The following FHOD3 variants were observed in gnomAD, a reference collection of about 807,000 sequenced individuals.
FHOD3 encodes the protein formin homology 2 domain containing 3, also known as FH1/FH2 domain-containing protein 3.
FHOD3 carries 90 observed loss-of-function variants against 173.0 expected under a neutral mutation model. That is an observed-to-expected ratio of 0.52 (90% CI 0.44 to 0.62). The LOEUF is 0.62. Among genes scored for constraint, FHOD3 ranks in the 20% least tolerant of loss-of-function variants. The pLI, the probability that FHOD3 is intolerant of heterozygous loss-of-function variation, is 0.00. For synonymous variants in FHOD3, 828 were observed against 823.0 expected, an observed-to-expected ratio of 1.01 and a Z score of -0.10; for missense variants, 1,945 against 2,034.7, an observed-to-expected ratio of 0.96 and a Z score of 0.85.
At chr18:36,385,711 G>C (rs564592702) in intron 3 of FHOD3, among the ~76,000 whole-genome samples, 1 of 152,154 alleles carries the variant, frequency 6.6e-6, no homozygotes, top group Non-Finnish European at 1.5e-5. Flanking sequence ...TCCAGTTATC[G>C]TGTTTTTGAT....
chr18:36,760,854 G>T lies in FHOD3; in HGVS notation c.4624+72G>T. 3 of 1,454,110 alleles carry T rather than the reference G, an allele frequency of 2.1e-6. No individual in the cohort carries two copies. The African/African-American group carries it at 4.2e-5, about 20-fold the overall frequency. 90.1% of individuals were successfully genotyped at this position (1,454,110 alleles called of 1,614,324 possible). ...GCTCTGGGGGGGTCCGGTCTCCATC[G>T]CAGGCTGCGGTCCACGGCTGTGACT... On this transcript the variant is annotated intron_variant, in intron 27 of 28. Coordinates refer to ENST00000590592, the MANE Select transcript of FHOD3 (RefSeq NM_001281740.3).
At chr18:36,474,816 A>T (rs938632812) in intron 3 of FHOD3, among the ~76,000 whole-genome samples, 1 of 152,064 alleles carries the variant, frequency 6.6e-6, no homozygotes, top group African/African-American at 2.4e-5. Context: ...CTGGGAGTAA[A>T]TTCCTGAGGC....
intron 6 of FHOD3, among the ~76,000 whole-genome samples, chr18:36,590,289 C>T (rs1445787857): frequency 6.6e-6 from 1 of 152,172 alleles, no homozygotes; most frequent in Non-Finnish European, 1.5e-5. Flanking sequence ...GTGGCCTCCA[C>T]TGTGGCTGTT....
chr18:36,498,114 G>C (rs1242202533), intron 3 of FHOD3, among the ~76,000 whole-genome samples: 1 of 151,872 alleles, frequency 6.6e-6, no homozygotes. Context: ...AAAATCACAA[G>C]GTTAAGTTAT....
rs114124154 is a variant in FHOD3 at position 36,655,918 on chromosome 18, T to C, written c.1722-2157T>C. 3.1e-3 allele frequency among the ~76,000 whole-genome samples: 470 copies of C among 152,352 alleles called. 4 individuals carry two copies. The highest frequency in any genetic ancestry group is 0.011 in the African/African-American group (440 of 41,592). On this transcript the variant is annotated intron_variant, in intron 13 of 28. Transcript: ENST00000590592. ...ACACATTCTGCTTGTTTTATTTCCA[T>C]AGCGTCATTTAAACACAATTTTAGC...
chr18:36,512,325 A>G, intron 4 of FHOD3, 113 bp from the exon 5 acceptor site: 1 of 753,080 alleles, frequency 1.3e-6, no homozygotes, highest in South Asian at 1.5e-5. Flanking sequence ...CAGCAGAGCA[A>G]TCTGTAGGGT....
At chr18:36,376,095 T>A (rs1343993659) in intron 3 of FHOD3, among the ~76,000 whole-genome samples, 3 of 152,204 alleles carry the variant, frequency 2.0e-5, no homozygotes, top group Non-Finnish European at 4.4e-5. Context: ...AAAGTGATCC[T>A]GTTTCCAGAC....
chr18:36,742,909 G>A (rs754614178), intron 22 of FHOD3, 53 bp downstream of exon 22: 22 of 1,577,762 alleles, frequency 1.4e-5, no homozygotes, highest in Non-Finnish European at 1.9e-5. Context: ...CAAAATCCCT[G>A]CCCAGCAATT....
intron 11 of FHOD3, among the ~76,000 whole-genome samples, chr18:36,650,385 C>T (rs985929264): frequency 5.9e-5 from 9 of 152,060 alleles, no homozygotes; most frequent in African/African-American, 1.9e-4. Flanking sequence ...CTGCCATGCC[C>T]GGGGGTCATA....
chr18:36,609,157 G>T (rs1288377053), intron 8 of FHOD3, among the ~76,000 whole-genome samples: 1 of 152,256 alleles, frequency 6.6e-6, no homozygotes, highest in African/African-American at 2.4e-5. Context: ...GATACCAAGT[G>T]TCAGGCAGCT....
In FHOD3 at chr18:36,724,549, C is replaced by T. The variant is rs143963036; in HGVS notation, c.3417+5834C>T. ...GAAGCCTCACCCTAGAGGGGCTCAC[C>T]TGCATCTTCCTAGAAGCTGGACCCA... On this transcript the variant is annotated intron_variant, in intron 19 of 28. Transcript: ENST00000590592. 2.6e-3 allele frequency among the ~76,000 whole-genome samples: 402 copies of T among 152,280 alleles called. 1 individual carries two copies. Among genetic ancestry groups the T allele is most frequent in the Non-Finnish European group, 4.6e-3 (315 of 68,018 alleles).
At chr18:36,460,171 G>GTAGC (rs1287550799) in intron 3 of FHOD3, among the ~76,000 whole-genome samples, 1 of 152,284 alleles carries the variant, frequency 6.6e-6, no homozygotes, top group East Asian at 1.9e-4. Context: ...CCTGGCTGAG[G>GTAGC]TAGCATTTGT....
intron 3 of FHOD3, among the ~76,000 whole-genome samples, chr18:36,456,606 G>C (rs916976313): frequency 3.9e-5 from 6 of 152,088 alleles, no homozygotes; most frequent in African/African-American, 1.5e-4. Context: ...TGTTCTTGGG[G>C]TACTACTGGA....
intron 5 of FHOD3, among the ~76,000 whole-genome samples, chr18:36,532,426 T>C (rs1342029925): frequency 6.6e-6 from 1 of 152,142 alleles, no homozygotes. Context: ...CTGTGGCACC[T>C]GGGGGACAGG....
At position 36,616,687 on chromosome 18, in the gene FHOD3, G is replaced by A. The variant is rs191136341; in HGVS notation, c.957+4592G>A. 1.7e-3 allele frequency among the ~76,000 whole-genome samples: 261 copies of A among 152,300 alleles called. 2 individuals are homozygous for A. Among genetic ancestry groups the A allele is most frequent in the African/African-American group, 6.0e-3 (249 of 41,564 alleles). ...ACAACTCAGAAGTGTCCTGACAGCC[G>A]CTTCATTGTCATCCTACTACTCCTA... On this transcript the variant is annotated intron_variant, in intron 9 of 28. Transcript: ENST00000590592.
At chr18:36,633,546 G>A (rs74583186) in intron 10 of FHOD3, among the ~76,000 whole-genome samples, 19,543 of 152,090 alleles carry the variant, frequency 0.13, 1,338 homozygotes, top group Non-Finnish European at 0.15. Context: ...TAGGAGTATC[G>A]TCCCCATTTT....
Position 36,311,301 on chromosome 18 carries a change from C to T in FHOD3, c.165+13301C>T, listed in dbSNP as rs148604484. Among the ~76,000 whole-genome samples the T allele has an allele frequency of 6.8e-4, 103 of 152,196 alleles. 2 individuals carry two copies. The highest frequency in any genetic ancestry group is 6.0e-3 in the East Asian group (31 of 5,150). On this transcript the variant is annotated intron_variant, in intron 1 of 28. Transcript: ENST00000590592. ...TCAAGTGTTAGCCAGTGAGGGCTTA[C>T]GATGTGACCCTTTCTGGGAGCTTTC...
chr18:36,531,639 T>TA lies in FHOD3; in HGVS notation c.511+19097dup, dbSNP rs2056784913. 2.0e-5 allele frequency among the ~76,000 whole-genome samples: 3 copies of TA among 152,332 alleles called. No homozygotes were observed. The South Asian group carries it at 6.2e-4, about 32-fold the overall frequency. Reference sequence around the variant, plus strand: ...ACTGATTTCAAAGGAGTCTGTTTGATACGAACAAACATTGCTTTAATGCCA... The same window carrying TA: ...ACTGATTTCAAAGGAGTCTGTTTGATAACGAACAAACATTGCTTTAATGCCA... On this transcript the variant is annotated intron_variant, in intron 5 of 28. Coordinates refer to ENST00000590592, the MANE Select transcript of FHOD3 (RefSeq NM_001281740.3).
intron 6 of FHOD3, among the ~76,000 whole-genome samples, chr18:36,583,766 G>C (rs1229903091): frequency 6.6e-6 from 1 of 152,058 alleles, no homozygotes; most frequent in African/African-American, 2.4e-5. Flanking sequence ...GTTGACATTT[G>C]ACAATTTGCT....
Sources: allele counts gnomAD v4.1 joint callset (sites outside exome capture counted in the v4.1 genomes callset), GRCh38; gene constraint gnomAD v4.1.1; transcripts MANE v1.5; gene names NCBI Gene and HGNC (gene_info 2026-07-23, HGNC 2026-07-21).